LINGO2: variants seen among roughly 807,000 people sequenced by gnomAD.
The protein encoded by LINGO2 is leucine-rich repeat and immunoglobulin-like domain-containing nogo receptor-interacting protein 2.
A neutral mutation model predicts 30.6 loss-of-function variants in LINGO2; 14 were observed. The observed-to-expected ratio is 0.46, with a 90% CI of 0.30 to 0.72. LINGO2 has a LOEUF of 0.72. Ranked by LOEUF, LINGO2 falls within the 30% of genes least tolerant of loss-of-function variation. The probability of loss-of-function intolerance (pLI) is 0.07; values close to 1 mark genes in which losing one functional copy is unlikely to be tolerated. For missense variants in LINGO2, 729 were observed against 751.7 expected, an observed-to-expected ratio of 0.97 and a Z score of 0.35; for synonymous variants, 317 against 288.5, an observed-to-expected ratio of 1.10 and a Z score of -1.00.
intron 1 of LINGO2, among the ~76,000 whole-genome samples, chr9:28,665,858 T>C (rs1828778542): frequency 6.6e-6 from 1 of 151,932 alleles, no homozygotes; most frequent in African/African-American, 2.4e-5. Context: ...ATATATTTTA[T>C]GATGAGTACC....
chr9:28,411,972 A>G (rs1822781421), intron 2 of LINGO2, among the ~76,000 whole-genome samples: 2 of 151,996 alleles, frequency 1.3e-5, no homozygotes, highest in African/African-American at 2.4e-5. Context: ...CTTTAGGGGT[A>G]CAAGTGGATT....
chr9:28,356,590 C>G (rs935076895), intron 3 of LINGO2, among the ~76,000 whole-genome samples: 3 of 152,096 alleles, frequency 2.0e-5, no homozygotes, highest in Non-Finnish European at 4.4e-5. Context: ...TAGATAAGAA[C>G]TTCCACAATC....
At chr9:28,781,781 A>G in the LINGO2 span, among the ~76,000 whole-genome samples, 1 of 152,180 alleles carries the variant, frequency 6.6e-6, no homozygotes, top group East Asian at 1.9e-4. Flanking sequence ...AAAAAAATCC[A>G]CTTAATTCCA....
chr9:28,526,251 T>C (rs1821032511), intron 1 of LINGO2, among the ~76,000 whole-genome samples: 1 of 151,990 alleles, frequency 6.6e-6, no homozygotes, highest in Admixed American at 6.6e-5. Context: ...CCTAATAAAA[T>C]TATTATGCTT....
chr9:28,494,818 C>G (rs1461343189), intron 1 of LINGO2, among the ~76,000 whole-genome samples: 1 of 152,146 alleles, frequency 6.6e-6, no homozygotes, highest in East Asian at 1.9e-4. Context: ...GGTTGAACAA[C>G]TTTACAGTCC....
intron 5 of LINGO2, among the ~76,000 whole-genome samples, chr9:27,978,203 T>TA (rs1455901030): frequency 9.2e-5 from 14 of 152,204 alleles, no homozygotes; most frequent in African/African-American, 3.4e-4. Flanking sequence ...TAAGAACTTT[T>TA]AAGCCTTCTT....
At chr9:28,642,484 T>C (rs1827638721) in intron 1 of LINGO2, among the ~76,000 whole-genome samples, 1 of 152,152 alleles carries the variant, frequency 6.6e-6, no homozygotes, top group African/African-American at 2.4e-5. Flanking sequence ...GAAACAAGCA[T>C]GACAATTATT....
chr9:27,950,649 C>T (rs773743130), exon 6 of LINGO2: 1 of 1,510,820 alleles, frequency 6.6e-7, no homozygotes, highest in East Asian at 2.3e-5. Flanking sequence ...TGGCTGCCAG[C>T]ATGATATGGC....
At chr9:28,852,560 T>C in the LINGO2 span, among the ~76,000 whole-genome samples, 3 of 152,130 alleles carry the variant, frequency 2.0e-5, no homozygotes. Context: ...GTAACTACAT[T>C]ACTGGTACTG....
At chr9:29,186,822 C>A in the LINGO2 span, among the ~76,000 whole-genome samples, 1 of 151,856 alleles carries the variant, frequency 6.6e-6, no homozygotes, top group African/African-American at 2.4e-5. Context: ...CAATGCCTAC[C>A]GAATATAGCT....
At chr9:28,650,328 A>C (rs943145388) in intron 1 of LINGO2, among the ~76,000 whole-genome samples, 4 of 152,164 alleles carry the variant, frequency 2.6e-5, no homozygotes, top group Admixed American at 6.5e-5. Flanking sequence ...TATCATTCAG[A>C]GAGCTCAGCC....
chr9:28,613,034 A>T (rs1309290785), intron 1 of LINGO2, among the ~76,000 whole-genome samples: 1 of 152,084 alleles, frequency 6.6e-6, no homozygotes, highest in Non-Finnish European at 1.5e-5. Flanking sequence ...AGTGTTTGGT[A>T]GTTCCTCCGG....
chr9:28,106,899 C>T (rs576407673), intron 4 of LINGO2, among the ~76,000 whole-genome samples: 8 of 152,174 alleles, frequency 5.3e-5, no homozygotes, highest in Non-Finnish European at 8.8e-5. Flanking sequence ...CTTTTTCCTT[C>T]GCCTTCTTAC....
At chr9:28,159,183 C>T (rs1350147334) in intron 4 of LINGO2, among the ~76,000 whole-genome samples, 1 of 151,064 alleles carries the variant, frequency 6.6e-6, no homozygotes, top group African/African-American at 2.5e-5. Context: ...TGGTTTAAAA[C>T]ATAAGAATTT....
At chr9:28,864,844 A>G in the LINGO2 span, among the ~76,000 whole-genome samples, 1 of 152,194 alleles carries the variant, frequency 6.6e-6, no homozygotes, top group Admixed American at 6.5e-5. Flanking sequence ...TGCGCTTATC[A>G]TGTGCCAGGC....
At chr9:28,581,514 G>GATAT (rs35833405) in intron 1 of LINGO2, among the ~76,000 whole-genome samples, 16 of 150,514 alleles carry the variant, frequency 1.1e-4, no homozygotes, top group Non-Finnish European at 1.3e-4. Flanking sequence ...AGTAAATTGT[G>GATAT]ATATATATAT....
chr9:27,943,280 T>C (rs1278158511), downstream of LINGO2: 1 of 152,184 alleles, frequency 6.6e-6, no homozygotes, highest in East Asian at 1.9e-4. Context: ...ATCTTCAGTA[T>C]GGACAGTTAT....
the LINGO2 span, among the ~76,000 whole-genome samples, chr9:29,163,042 C>T: frequency 6.6e-6 from 1 of 152,144 alleles, no homozygotes; most frequent in Admixed American, 6.5e-5. Context: ...TTATTTCCCC[C>T]TCAGTATAAA....
At position 28,184,078 on chromosome 9, in the gene LINGO2, G is replaced by T. The variant is rs1051309638; in HGVS notation, c.-87+111130C>A. ...AAAATTATTGACCATCTTGTTGCTG[G>T]ATTAAAGAAAAAGATCAACAAGGAA... is the stretch of plus-strand genomic sequence containing the variant. On this transcript the variant is annotated intron_variant, in intron 4 of 5. Transcript: ENST00000379992. Among the ~76,000 whole-genome samples, 5 of 152,192 alleles carry T rather than the reference G, an allele frequency of 3.3e-5. No homozygotes were observed. In the East Asian group the frequency reaches 9.7e-4, roughly 29 times the overall value.
Sources: allele counts gnomAD v4.1 joint callset (sites outside exome capture counted in the v4.1 genomes callset), GRCh38; gene constraint gnomAD v4.1.1; transcripts MANE v1.5; gene names NCBI Gene and HGNC (gene_info 2026-07-23, HGNC 2026-07-21).